CUL1: variants seen among roughly 807,000 people sequenced by gnomAD.
The protein encoded by CUL1 is cullin-1.
In CUL1, 24 loss-of-function variants were observed where a neutral mutation model predicts 118.0. That is an observed-to-expected ratio of 0.20 (90% CI 0.15 to 0.29). The LOEUF is 0.29. Among genes scored for constraint, CUL1 ranks in the 10% least tolerant of loss-of-function variants. The probability of loss-of-function intolerance (pLI) is 1.00; values close to 1 mark genes in which losing one functional copy is unlikely to be tolerated. For synonymous variants in CUL1, 332 were observed against 340.4 expected, an observed-to-expected ratio of 0.98 and a Z score of 0.27; for missense variants, 361 against 933.8, an observed-to-expected ratio of 0.39 and a Z score of 7.99.
intron 17 of CUL1, 106 bp from the exon 18 acceptor site, chr7:148,797,702 ATTTT>A (rs10559092): frequency 3.7e-3 from 2,462 of 663,114 alleles, no homozygotes; most frequent in Middle Eastern, 7.7e-3. Flanking sequence ...CTTTTGGGTG[ATTTT>A]TTTTTTTTTT....
At chr7:148,769,397 T>TCACACACACACACA (rs55858322) in intron 9 of CUL1, among the ~76,000 whole-genome samples, 322 of 129,104 alleles carry the variant, frequency 2.5e-3, no homozygotes, top group African/African-American at 5.6e-3. Context: ...AGGGCCTGAT[T>TCACACACACACACA]CACACACACA....
chr7:148,718,726 T>G (rs897503834), intron 1 of CUL1, among the ~76,000 whole-genome samples: 6 of 149,482 alleles, frequency 4.0e-5, no homozygotes, highest in African/African-American at 1.5e-4. Flanking sequence ...TGATTTTTTT[T>G]GTTTTTGGGG....
At chr7:148,705,009 CAG>C (rs1797838703) in intron 1 of CUL1, among the ~76,000 whole-genome samples, 1 of 152,208 alleles carries the variant, frequency 6.6e-6, no homozygotes, top group South Asian at 2.1e-4. Flanking sequence ...TGTTGATGCA[CAG>C]GGTTAAATAT....
At chr7:148,704,848 A>G (rs1797834548) in intron 1 of CUL1, among the ~76,000 whole-genome samples, 1 of 152,130 alleles carries the variant, frequency 6.6e-6, no homozygotes, top group African/African-American at 2.4e-5. Context: ...TCTACAGTGC[A>G]CATATATTTA....
At chr7:148,763,762 A>T (rs913134135) in intron 7 of CUL1, among the ~76,000 whole-genome samples, 1 of 152,228 alleles carries the variant, frequency 6.6e-6, no homozygotes, top group Non-Finnish European at 1.5e-5. Context: ...AAGGGTGGCA[A>T]ATCTTACTCA....
chr7:148,794,629 C>T (rs1412159993), intron 17 of CUL1, among the ~76,000 whole-genome samples: 1 of 152,176 alleles, frequency 6.6e-6, no homozygotes, highest in East Asian at 1.9e-4. Context: ...ATAAGGATTG[C>T]ACTGAATCTA....
chr7:148,743,596 A>G (rs954016506), intron 2 of CUL1, among the ~76,000 whole-genome samples: 1 of 152,142 alleles, frequency 6.6e-6, no homozygotes, highest in African/African-American at 2.4e-5. Context: ...TTACCCTTTA[A>G]TTCTGTCAAA....
At chr7:148,734,470 C>T (rs1798873807) in intron 2 of CUL1, among the ~76,000 whole-genome samples, 1 of 152,182 alleles carries the variant, frequency 6.6e-6, no homozygotes, top group South Asian at 2.1e-4. Context: ...TCTCAAACTC[C>T]TCGACTCAAG....
At chr7:148,730,395 T>A in intron 2 of CUL1, 133 bp downstream of exon 2, 1 of 1,111,912 alleles carries the variant, frequency 9.0e-7, no homozygotes, top group Non-Finnish European at 1.2e-6. Context: ...GGTTCATTTT[T>A]AGCCTTAAGT....
intron 2 of CUL1, among the ~76,000 whole-genome samples, chr7:148,741,560 T>C (rs1207574356): frequency 6.6e-6 from 1 of 152,050 alleles, no homozygotes; most frequent in Non-Finnish European, 1.5e-5. Context: ...TGCCTCAGCC[T>C]CCCGAGTAGC....
intron 17 of CUL1, among the ~76,000 whole-genome samples, chr7:148,797,179 G>A (rs999703099): frequency 6.6e-6 from 1 of 152,166 alleles, no homozygotes; most frequent in African/African-American, 2.4e-5. Context: ...CTGTTCTCAT[G>A]AGCAGGACAT....
At position 148,777,959 on chromosome 7, in the gene CUL1, A is replaced by T. The variant is rs368867023; in HGVS notation, c.1084-5824A>T. On this transcript the variant is annotated intron_variant, in intron 9 of 21. Transcript: ENST00000325222. ...GCACCTGTAATCTCAGCTACTTGGG[A>T]GGCTGAGGCAGAAGAGTCACTTGAA... Among the ~76,000 whole-genome samples, 4 of 150,370 alleles carry T rather than the reference A, an allele frequency of 2.7e-5. 1 individual carries two copies.
chr7:148,763,464 T>G (rs1799905247), intron 7 of CUL1, among the ~76,000 whole-genome samples: 1 of 152,234 alleles, frequency 6.6e-6, no homozygotes, highest in Non-Finnish European at 1.5e-5. Context: ...CATCTCAAAC[T>G]GAGCTATGAG....
chr7:148,795,202 A>G (rs113343535), intron 17 of CUL1, among the ~76,000 whole-genome samples: 12,852 of 151,544 alleles, frequency 0.085, 675 homozygotes, highest in African/African-American at 0.14. Flanking sequence ...CTGGAGTGCA[A>G]TGGTGCAGTC....
At chr7:148,758,902 T>G (rs950236427) in intron 4 of CUL1, among the ~76,000 whole-genome samples, 3 of 152,234 alleles carry the variant, frequency 2.0e-5, no homozygotes, top group African/African-American at 7.2e-5. Context: ...CTTTTTCACA[T>G]ATAAATGCTT....
chr7:148,767,006 C>CT (rs1209073620), intron 8 of CUL1, among the ~76,000 whole-genome samples: 1 of 152,166 alleles, frequency 6.6e-6, no homozygotes, highest in African/African-American at 2.4e-5. Context: ...TGAAAATTCT[C>CT]TGAGATGAGG....
chr7:148,771,121 G>A (rs926163981), intron 9 of CUL1, among the ~76,000 whole-genome samples: 1 of 152,040 alleles, frequency 6.6e-6, no homozygotes, highest in East Asian at 1.9e-4. Flanking sequence ...TATCAGTCCC[G>A]TGTCTTTCTC....
intron 2 of CUL1, among the ~76,000 whole-genome samples, chr7:148,739,041 G>A (rs557949250): frequency 6.6e-6 from 1 of 152,312 alleles, no homozygotes; most frequent in South Asian, 2.1e-4. Flanking sequence ...TCACACAGGC[G>A]CCCTTCAGGG....
At position 148,784,890 on chromosome 7, in the gene CUL1, T is replaced by C. The variant is rs111431275; in HGVS notation, c.1298+813T>C. Among the ~76,000 whole-genome samples the C allele has an allele frequency of 2.2e-3, 336 of 151,762 alleles. 1 individual carries two copies. Among genetic ancestry groups the C allele is most frequent in the African/African-American group, 7.8e-3 (324 of 41,426 alleles). ...AAACAAGTGTCACTTGAGAATAGAG[T>C]TGTAGAAATCTTAAGTAAAATATTA... is the stretch of plus-strand genomic sequence containing the variant. On this transcript the variant is annotated intron_variant, in intron 11 of 21. Transcript: ENST00000325222.
Sources: gnomAD v4.1 joint callset for allele counts (sites outside exome capture counted in the v4.1 genomes callset) on GRCh38, gnomAD v4.1.1 for gene constraint, MANE v1.5 for transcripts, NCBI Gene and HGNC (gene_info 2026-07-23, HGNC 2026-07-21) for gene names.